Variants in CTNNA2 observed in about 807,000 individuals in gnomAD.
CTNNA2 encodes the protein catenin alpha 2, also known as catenin alpha-2.
Under a neutral mutation model 101.0 loss-of-function variants are expected in CTNNA2, and 42 were observed. The observed-to-expected ratio is 0.42, with a 90% CI of 0.32 to 0.54. The LOEUF (loss-of-function observed/expected upper bound fraction) is 0.54. CTNNA2 is among the 20% of genes least tolerant of loss of function. The probability of loss-of-function intolerance (pLI) is 0.14; values close to 1 mark genes in which losing one functional copy is unlikely to be tolerated. For missense variants in CTNNA2, 871 were observed against 1,223.1 expected, an observed-to-expected ratio of 0.71 and a Z score of 4.29; for synonymous variants, 450 against 456.4, an observed-to-expected ratio of 0.99 and a Z score of 0.18.
At chr2:79,810,432 C>T (rs1676923293) in intron 3 of CTNNA2, among the ~76,000 whole-genome samples, 1 of 152,034 alleles carries the variant, frequency 6.6e-6, no homozygotes, top group African/African-American at 2.4e-5. Context: ...TGGGTCCCTC[C>T]CACAACATGA....
At chr2:80,221,862 G>A (rs1217120117) in intron 7 of CTNNA2, among the ~76,000 whole-genome samples, 1 of 152,140 alleles carries the variant, frequency 6.6e-6, no homozygotes, top group Non-Finnish European at 1.5e-5. Flanking sequence ...CTTTTTATAG[G>A]TTTTTAATTT....
intron 7 of CTNNA2, among the ~76,000 whole-genome samples, chr2:80,097,039 T>G (rs1005834496): frequency 2.6e-5 from 4 of 152,194 alleles, no homozygotes; most frequent in African/African-American, 7.2e-5. Context: ...GTGAATTTGA[T>G]CCTGTCATTA....
chr2:80,234,872 A>C (rs554768574), intron 7 of CTNNA2, among the ~76,000 whole-genome samples: 7 of 151,804 alleles, frequency 4.6e-5, no homozygotes, highest in Non-Finnish European at 1.0e-4. Flanking sequence ...GGCCAGTTTC[A>C]GTCACAACTA....
intron 4 of CTNNA2, among the ~76,000 whole-genome samples, chr2:79,417,115 A>C (rs769340480): frequency 6.6e-6 from 1 of 152,108 alleles, no homozygotes; most frequent in Non-Finnish European, 1.5e-5. Context: ...AAATCTTTTG[A>C]GTGTATTGGA....
intron 7 of CTNNA2, among the ~76,000 whole-genome samples, chr2:80,089,678 A>T (rs1015697877): frequency 2.0e-5 from 3 of 152,034 alleles, no homozygotes; most frequent in African/African-American, 7.2e-5. Context: ...CAGTGAAAGC[A>T]TCATTTGGCC....
chr2:80,057,405 G>T (rs924605984), intron 7 of CTNNA2, among the ~76,000 whole-genome samples: 2 of 152,184 alleles, frequency 1.3e-5, no homozygotes, highest in East Asian at 3.9e-4. Flanking sequence ...GTATGCTTTT[G>T]GTTCTTCAAA....
At chr2:80,142,402 C>G (rs1703070689) in intron 7 of CTNNA2, among the ~76,000 whole-genome samples, 1 of 152,074 alleles carries the variant, frequency 6.6e-6, no homozygotes, top group Non-Finnish European at 1.5e-5. Flanking sequence ...TGAGCAGACC[C>G]CAGCTTGGTT....
chr2:80,454,443 G>T (rs1683788535), intron 9 of CTNNA2, among the ~76,000 whole-genome samples: 1 of 152,152 alleles, frequency 6.6e-6, no homozygotes, highest in Non-Finnish European at 1.5e-5. Context: ...TGTAGAACAG[G>T]GAAAACTGTA....
chr2:79,321,076 C>T (rs1676612073), intron 3 of CTNNA2, among the ~76,000 whole-genome samples: 1 of 152,098 alleles, frequency 6.6e-6, no homozygotes, highest in Admixed American at 6.5e-5. Context: ...ATCACAACTA[C>T]CTTTGTTAAG....
chr2:79,455,761 AG>A (rs1350055886), intron 4 of CTNNA2, among the ~76,000 whole-genome samples: 1 of 152,188 alleles, frequency 6.6e-6, no homozygotes, highest in Non-Finnish European at 1.5e-5. Flanking sequence ...ATGGCCCATA[AG>A]ATACACAAGA....
chr2:80,575,310 A>G (rs1694942970), intron 13 of CTNNA2: 1 of 152,178 alleles, frequency 6.6e-6, no homozygotes, highest in African/African-American at 2.4e-5. Flanking sequence ...AGATGAAATT[A>G]ATTATAATTT....
intron 7 of CTNNA2, among the ~76,000 whole-genome samples, chr2:80,195,656 C>G (rs1706781014): frequency 6.8e-6 from 1 of 146,400 alleles, no homozygotes; most frequent in African/African-American, 2.5e-5. Flanking sequence ...TGATTTAGGA[C>G]ATTAAAAATG....
chr2:80,413,569 A>G (rs374302553), intron 8 of CTNNA2, among the ~76,000 whole-genome samples: 1 of 152,166 alleles, frequency 6.6e-6, no homozygotes, highest in East Asian at 1.9e-4. Context: ...GGCTTATTAA[A>G]GTGACTTTGG....
At chr2:79,582,353 G>T (rs1676199537) in intron 1 of CTNNA2, among the ~76,000 whole-genome samples, 1 of 152,060 alleles carries the variant, frequency 6.6e-6, no homozygotes, top group African/African-American at 2.4e-5. Flanking sequence ...TCAGTATCTG[G>T]ATCCTTTTTA....
At chr2:80,631,299 T>C (rs577062399) in intron 18 of CTNNA2, among the ~76,000 whole-genome samples, 2 of 150,762 alleles carry the variant, frequency 1.3e-5, no homozygotes, top group South Asian at 4.2e-4. Flanking sequence ...AAGGTAGTAC[T>C]TTTTTTTCAA....
intron 6 of CTNNA2, among the ~76,000 whole-genome samples, chr2:79,875,893 T>C (rs1025925354): frequency 6.6e-6 from 1 of 152,124 alleles, no homozygotes; most frequent in African/African-American, 2.4e-5. Context: ...ATAACATAAA[T>C]ATACAAAAAT....
At chr2:79,331,615 G>A (rs575628657) in intron 3 of CTNNA2, among the ~76,000 whole-genome samples, 18 of 152,226 alleles carry the variant, frequency 1.2e-4, no homozygotes, top group African/African-American at 2.4e-4. Flanking sequence ...AATGGAGAGC[G>A]GCTTTGTTTT....
At chr2:79,686,747 T>C (rs1683957451) in intron 2 of CTNNA2, among the ~76,000 whole-genome samples, 1 of 152,160 alleles carries the variant, frequency 6.6e-6, no homozygotes, top group Non-Finnish European at 1.5e-5. Context: ...GTATTATTTT[T>C]AAGGCATTTC....
At chr2:80,069,574 T>C (rs2148775119) in intron 7 of CTNNA2, among the ~76,000 whole-genome samples, 1 of 152,352 alleles carries the variant, frequency 6.6e-6, no homozygotes, top group East Asian at 1.9e-4. Context: ...ATCTTTTCTC[T>C]TGATACACCA....
Sources: allele counts gnomAD v4.1 joint callset (sites outside exome capture counted in the v4.1 genomes callset), GRCh38; gene constraint gnomAD v4.1.1; transcripts MANE v1.5; gene names NCBI Gene and HGNC (gene_info 2026-07-23, HGNC 2026-07-21).